The following ADCY1 variants were observed in gnomAD, a reference collection of about 807,000 sequenced individuals.
ADCY1 encodes the protein adenylate cyclase type 1.
A neutral mutation model predicts 105.4 loss-of-function variants in ADCY1; 28 were observed. The observed-to-expected ratio is 0.27, with a 90% CI of 0.20 to 0.36. The LOEUF is 0.36. ADCY1 is among the 10% of genes least tolerant of loss of function. The pLI is 1.00. For synonymous variants in ADCY1, 655 were observed against 623.8 expected (o/e 1.05, Z -0.75); for missense variants, 977 against 1,434.2 (o/e 0.68, Z 5.15).
intron 8 of ADCY1, among the ~76,000 whole-genome samples, chr7:45,666,884 A>G (rs1711926201): frequency 6.6e-6 from 1 of 152,148 alleles, no homozygotes; most frequent in African/African-American, 2.4e-5. Flanking sequence ...GCCAGTGATG[A>G]TGAGCATTTT....
chr7:45,614,763 C>CA (rs1370358425), intron 3 of ADCY1, among the ~76,000 whole-genome samples: 1 of 152,074 alleles, frequency 6.6e-6, no homozygotes, highest in Non-Finnish European at 1.5e-5. Flanking sequence ...GACTTTAAGT[C>CA]AAAAACTGCC....
At chr7:45,641,308 G>C (rs1489618525) in intron 4 of ADCY1, among the ~76,000 whole-genome samples, 2 of 152,158 alleles carry the variant, frequency 1.3e-5, no homozygotes, top group East Asian at 3.9e-4. Flanking sequence ...AAGGACACTG[G>C]AAAGTCTGTA....
chr7:45,654,955 C>T (rs1794899236), intron 5 of ADCY1, among the ~76,000 whole-genome samples: 2 of 152,184 alleles, frequency 1.3e-5, no homozygotes, highest in African/African-American at 2.4e-5. Context: ...CTTCCCGCCA[C>T]ACAAGGATGG....
At chr7:45,685,282 ACG>A (rs2116208234) in intron 12 of ADCY1, among the ~76,000 whole-genome samples, 1 of 152,352 alleles carries the variant, frequency 6.6e-6, no homozygotes, top group African/African-American at 2.4e-5. Context: ...GCTTCTTCAT[ACG>A]GTGCAGAGGA....
rs1360328156 is a variant in ADCY1, at chr7:45,721,575, T to C, written c.*7580T>C. On this transcript the variant is annotated 3_prime_UTR_variant, in exon 20 of 20. Coordinates refer to ENST00000297323, the MANE Select transcript of ADCY1 (RefSeq NM_021116.4). The stretch of plus-strand genomic sequence containing the variant: ...GCTTCTGCTCAGGAGTTCTGTGAGC[T>C]ATGGGAAGGCCATTGGTTGTATTTG... The C allele has an allele frequency of 1.8e-5, 7 of 397,874 alleles. No individual in the cohort carries two copies. The highest frequency in any genetic ancestry group is 3.1e-5 in the Non-Finnish European group (7 of 225,938). 24.6% of individuals were successfully genotyped at this position (397,874 alleles called of 1,614,324 possible). A position where few individuals can be genotyped will look rare whatever the true frequency, so the allele number is the denominator to read the frequency against.
intron 8 of ADCY1, among the ~76,000 whole-genome samples, chr7:45,670,146 G>T (rs1446702847): frequency 1.3e-5 from 2 of 152,236 alleles, no homozygotes; most frequent in Non-Finnish European, 2.9e-5. Context: ...AATATGGTCA[G>T]TGATATCACT....
intron 4 of ADCY1, among the ~76,000 whole-genome samples, chr7:45,632,738 A>T (rs1385340149): frequency 6.8e-6 from 1 of 146,080 alleles, no homozygotes; most frequent in Non-Finnish European, 1.5e-5. Flanking sequence ...TAATTTTTAA[A>T]TTTTTTTTTT....
chr7:45,703,762 G>A lies in ADCY1; in HGVS notation c.2718+16G>A, dbSNP rs764101449. ...CTTTGACGAGGTGAGGCTGTGCGTC[G>A]CCATCCTGACCCCGCCTGGTTGTGG... On this transcript the variant is annotated intron_variant, in intron 16 of 19. Transcript: ENST00000297323. This position sits in a 1 kb window ranked among gnomAD's most constrained non-coding sequence, Gnocchi z 5.9. 49 of 1,557,938 alleles carry A rather than the reference G, an allele frequency of 3.1e-5. No individual in the cohort carries two copies. The highest frequency in any genetic ancestry group is 4.1e-5 in the African/African-American group (3 of 73,738).
intron 19 of ADCY1, among the ~76,000 whole-genome samples, chr7:45,711,746 T>C (rs1017025046): frequency 7.0e-6 from 1 of 142,672 alleles, no homozygotes; most frequent in Non-Finnish European, 1.5e-5. Context: ...TATATATACG[T>C]GTGTGTATAT....
chr7:45,630,439 C>T lies in ADCY1; in HGVS notation c.1020+7696C>T, dbSNP rs962038414. Among the ~76,000 whole-genome samples, 6 of 152,286 alleles carry T rather than the reference C, an allele frequency of 3.9e-5. 1 individual carries two copies. The highest frequency in any genetic ancestry group is 4.1e-4 in the South Asian group (2 of 4,822). ...TTCTTTGAGAGCAGTTTTGGAGGCC[C>T]GGATTCTGAAATCAGTATTGCTTGG... On this transcript the variant is annotated intron_variant, in intron 4 of 19. Transcript: ENST00000297323.
rs1019008444 is a variant in ADCY1 at position 45,575,621 on chromosome 7, C to T, written c.639+439C>T. On this transcript the variant is annotated intron_variant, in intron 1 of 19. Coordinates refer to ENST00000297323, the MANE Select transcript of ADCY1 (RefSeq NM_021116.4). The surrounding 1 kb of genome is among the most constrained non-coding windows in gnomAD (Gnocchi z 4.7). ...AGCGCTGGGCTCTTCCCCTGCGCAC[C>T]TAGAGCGCGTGCTGGGCTCGCCTCC... Among the ~76,000 whole-genome samples the T allele has an allele frequency of 3.9e-5, 6 of 152,270 alleles. No individual in the cohort carries two copies. Among genetic ancestry groups the T allele is most frequent in the African/African-American group, 1.4e-4 (6 of 41,484 alleles).
upstream of ADCY1, chr7:45,574,173 G>C: frequency 1.0e-6 from 1 of 980,674 alleles, no homozygotes; most frequent in Non-Finnish European, 1.2e-6. This position sits in a 1 kb window ranked among gnomAD's most constrained non-coding sequence, Gnocchi z 7.0. Context: ...ACTGAGGCTC[G>C]GAGGGGACAA....
intron 3 of ADCY1, among the ~76,000 whole-genome samples, chr7:45,611,792 A>G (rs975680992): frequency 7.9e-5 from 12 of 152,154 alleles, no homozygotes; most frequent in Non-Finnish European, 1.3e-4. Flanking sequence ...TCACTCAGGT[A>G]GGAGATGGTG....
intron 4 of ADCY1, among the ~76,000 whole-genome samples, chr7:45,624,846 A>C (rs1794006999): frequency 6.6e-6 from 1 of 151,744 alleles, no homozygotes; most frequent in African/African-American, 2.4e-5. Context: ...TTTCTCTCTC[A>C]CCGTGCTTGG....
chr7:45,616,213 A>G (rs1374023001), intron 3 of ADCY1, among the ~76,000 whole-genome samples: 1 of 152,372 alleles, frequency 6.6e-6, no homozygotes, highest in Non-Finnish European at 1.5e-5. Context: ...CGAAAAGTCC[A>G]GGCCCAGATG....
intron 9 of ADCY1, 26 bp downstream of exon 9, chr7:45,678,089 C>T (rs1165737872): frequency 1.2e-6 from 2 of 1,613,660 alleles, no homozygotes; most frequent in Non-Finnish European, 1.7e-6. Flanking sequence ...TTTCGGCTTC[C>T]CTGGTGCTGC....
chr7:45,621,201 G>A (rs1258380046), intron 3 of ADCY1, among the ~76,000 whole-genome samples: 1 of 152,100 alleles, frequency 6.6e-6, no homozygotes, highest in African/African-American at 2.4e-5. Context: ...AAGTAGCTGG[G>A]ACTACAGGTG....
chr7:45,625,505 G>A (rs12702157), intron 4 of ADCY1, among the ~76,000 whole-genome samples: 32,874 of 151,364 alleles, frequency 0.22, 4,196 homozygotes, highest in East Asian at 0.51. Context: ...ACACATGAAT[G>A]TGTGAACATG....
chr7:45,615,397 A>T (rs943277656), intron 3 of ADCY1, among the ~76,000 whole-genome samples: 2 of 152,208 alleles, frequency 1.3e-5, no homozygotes, highest in African/African-American at 4.8e-5. Context: ...CAGGATTTCA[A>T]GACTAGCCTA....
Sources: gnomAD v4.1 joint callset for allele counts (sites outside exome capture counted in the v4.1 genomes callset) on GRCh38, gnomAD v4.1.1 for gene constraint, Gnocchi (gnomAD v3.1) non-coding constraint, MANE v1.5 for transcripts, NCBI Gene and HGNC (gene_info 2026-07-23, HGNC 2026-07-21) for gene names.